The following PDE4C variants were observed in gnomAD, a reference collection of about 807,000 sequenced individuals.
PDE4C encodes phosphodiesterase 4C.
Under a neutral mutation model 63.9 loss-of-function variants are expected in PDE4C, and 50 were observed. The ratio of observed to expected loss-of-function variants is 0.78; its 90% CI spans 0.62 to 0.99. The LOEUF is 0.99. PDE4C is among the 50% of genes least tolerant of loss of function. PDE4C has a pLI of 0.00. For synonymous variants in PDE4C, 377 were observed against 385.1 expected (o/e 0.98, Z 0.25); for missense variants, 777 against 899.1 (o/e 0.86, Z 1.74).
rs769526074 is a variant in PDE4C, at chr19:18,221,245, G to C, written c.375+16C>G. On this transcript the variant is annotated intron_variant, in intron 3 of 14. Coordinates refer to ENST00000262805, the Ensembl canonical transcript of PDE4C. ...ATCCGGAGGGGGTCAGGGCAGGGAG[G>C]GCGGGGGACACCCACCTGGGCAAAG... is the stretch of plus-strand genomic sequence containing the variant. The C allele has an allele frequency of 1.3e-6, 2 of 1,550,608 alleles. No individual in the cohort carries two copies. Among genetic ancestry groups the C allele is most frequent in the Admixed American group, 4.7e-5 (2 of 42,604 alleles).
chr19:18,226,971 G>C (rs79005043), upstream of PDE4C, among the ~76,000 whole-genome samples: 6 of 152,014 alleles, frequency 3.9e-5, no homozygotes, highest in African/African-American at 1.4e-4. Flanking sequence ...AGCCTTCCTC[G>C]GCACGTCCCT....
the PDE4C span, among the ~76,000 whole-genome samples, chr19:18,254,574 G>C: frequency 1.3e-5 from 2 of 152,166 alleles, no homozygotes; most frequent in African/African-American, 2.4e-5. Context: ...TATGAAATGG[G>C]GATAAAAGTG....
At chr19:18,221,355 C>T in intron 2 of PDE4C, 58 bp from the exon 3 acceptor site, 1 of 1,503,812 alleles carries the variant, frequency 6.6e-7, no homozygotes, top group Admixed American at 2.3e-5. Context: ...TTTTTACCCA[C>T]ACCATATGCC....
chr19:18,217,057 GA>G, intron 11 of PDE4C, 162 bp from the exon 12 acceptor site: 2 of 714,466 alleles, frequency 2.8e-6, no homozygotes, highest in Non-Finnish European at 4.4e-6. Flanking sequence ...GCGCTTCCCT[GA>G]CTGCAGGGCT....
chr19:18,210,044 A>T (rs1967859705), downstream of PDE4C: 1 of 151,678 alleles, frequency 6.6e-6, no homozygotes, highest in South Asian at 2.1e-4. Flanking sequence ...ATTTTTAGAC[A>T]GGATCTTGCT....
Position 18,220,363 on chromosome 19 carries a change from G to A in PDE4C, c.612+40C>T. 1 of 1,612,140 alleles carries A rather than the reference G, an allele frequency of 6.2e-7. No homozygotes were observed. The highest frequency in any genetic ancestry group is 8.5e-7 in the Non-Finnish European group (1 of 1,178,260). ...GAAGACCGTGATGATGGGGCACCGT[G>A]GGCCGAGGCAGGTGAGCTCAGCGAT... On this transcript the variant is annotated intron_variant, in intron 6 of 14. Transcript: ENST00000262805. The surrounding 1 kb of genome is among the most constrained non-coding windows in gnomAD (Gnocchi z 5.1).
At chr19:18,252,606 TTCTCTC>T (rs201689621), upstream of PDE4C, 1 of 366,350 alleles carries the variant, frequency 2.7e-6, no homozygotes, top group African/African-American at 2.4e-5. Flanking sequence ...CTCTCTCTCT[TTCTCTC>T]TCTCTTTTTT....
intron 1 of PDE4C, among the ~76,000 whole-genome samples, chr19:18,223,389 T>C (rs1489804539): frequency 2.6e-5 from 4 of 152,162 alleles, no homozygotes; most frequent in Admixed American, 2.6e-4. Context: ...TTTGTATTTT[T>C]AGTAGAGACG....
chr19:18,230,561 C>G (rs573709648), upstream of PDE4C, among the ~76,000 whole-genome samples: 238 of 152,256 alleles, frequency 1.6e-3, 2 homozygotes, highest in African/African-American at 5.4e-3. Context: ...TCCTTCCATC[C>G]TCAAGCCACA....
chr19:18,251,499 A>C (rs1217826163), upstream of PDE4C, among the ~76,000 whole-genome samples: 1 of 151,360 alleles, frequency 6.6e-6, no homozygotes, highest in Non-Finnish European at 1.5e-5. Context: ...CAGTGGCACG[A>C]TCTCAGCTCA....
chr19:18,209,954 A>G (rs1394298380), downstream of PDE4C: 1 of 152,186 alleles, frequency 6.6e-6, no homozygotes, highest in Non-Finnish European at 1.5e-5. Context: ...TCAGCCTCCC[A>G]AAGTGCTGGG....
chr19:18,211,262 G>A (rs761283601), exon 15 of PDE4C: 1 of 1,587,488 alleles, frequency 6.3e-7, no homozygotes, highest in Non-Finnish European at 8.6e-7. Context: ...GAGCAATGTA[G>A]TCAATGAAAC....
At chr19:18,231,190 C>T (rs1968840752), upstream of PDE4C, among the ~76,000 whole-genome samples, 1 of 152,228 alleles carries the variant, frequency 6.6e-6, no homozygotes, top group Admixed American at 6.5e-5. Context: ...AACCCCTACC[C>T]TCATATCAGC....
At chr19:18,230,827 C>T (rs1968832863), upstream of PDE4C, among the ~76,000 whole-genome samples, 1 of 152,170 alleles carries the variant, frequency 6.6e-6, no homozygotes, top group Non-Finnish European at 1.5e-5. Flanking sequence ...GTATGAGTGT[C>T]TCCACCATCA....
chr19:18,225,168 G>C (rs1323214753), intron 1 of PDE4C, among the ~76,000 whole-genome samples: 1 of 152,128 alleles, frequency 6.6e-6, no homozygotes, highest in Non-Finnish European at 1.5e-5. Context: ...CGGGGGTAGA[G>C]CCCCCCGGCT....
chr19:18,239,891 C>T (rs1046926414), intron 1 of PDE4C, among the ~76,000 whole-genome samples: 1 of 151,874 alleles, frequency 6.6e-6, no homozygotes, highest in Non-Finnish European at 1.5e-5. Context: ...CCGAGCATGG[C>T]GCTTTGCACC....
At chr19:18,231,861 C>T (rs1968855093) in intron 1 of PDE4C, among the ~76,000 whole-genome samples, 1 of 152,090 alleles carries the variant, frequency 6.6e-6, no homozygotes, top group African/African-American at 2.4e-5. Context: ...TCTGTCCTAA[C>T]CCCACCCCAC....
chr19:18,244,773 C>T (rs1969102659), intron 1 of PDE4C, among the ~76,000 whole-genome samples: 1 of 151,442 alleles, frequency 6.6e-6, no homozygotes, highest in African/African-American at 2.4e-5. Context: ...TGGCCTCCCA[C>T]ACTGCTAGGA....
intron 14 of PDE4C, among the ~76,000 whole-genome samples, chr19:18,211,537 C>T (rs1196908713): frequency 6.6e-6 from 1 of 152,274 alleles, no homozygotes; most frequent in Admixed American, 6.5e-5. Flanking sequence ...TCCAGGGTCC[C>T]GCATGTCACC....
Sources: allele counts gnomAD v4.1 joint callset (sites outside exome capture counted in the v4.1 genomes callset), GRCh38; gene constraint gnomAD v4.1.1; non-coding constraint Gnocchi (gnomAD v3.1); transcripts MANE v1.5; gene names NCBI Gene and HGNC (gene_info 2026-07-23, HGNC 2026-07-21).